GRIA3: variants seen among roughly 807,000 people sequenced by gnomAD.
GRIA3 encodes the protein glutamate ionotropic receptor AMPA type subunit 3, also known as glutamate receptor 3.
In GRIA3, 3 loss-of-function variants were observed where a neutral mutation model predicts 63.0. That is an observed-to-expected ratio of 0.05 (90% confidence interval 0.02 to 0.12). The LOEUF is 0.12. Among genes scored for constraint, GRIA3 ranks in the 10% least tolerant of loss-of-function variants. The pLI is 1.00. For synonymous variants in GRIA3, 274 were observed against 257.9 expected (o/e 1.06, Z -0.60); for missense variants, 347 against 700.9 (o/e 0.50, Z 5.70).
At chrX:123,382,321 A>C (rs1199041197) in intron 5 of GRIA3, among the ~76,000 whole-genome samples, 1 of 111,120 alleles carries the variant, frequency 9.0e-6, no homozygotes, top group Non-Finnish European at 1.9e-5. Context: ...GCTAAAAAAA[A>C]AGCAGGTTGT....
At chrX:123,381,222 C>T (rs1037800723) in intron 5 of GRIA3, among the ~76,000 whole-genome samples, 9 of 111,217 alleles carry the variant, frequency 8.1e-5, no homozygotes, top group Non-Finnish European at 1.5e-4. Context: ...AGGAGAAAAT[C>T]TAACAAGAGG....
At chrX:123,338,406 C>G (rs1188364347) in intron 4 of GRIA3, among the ~76,000 whole-genome samples, 1 of 112,110 alleles carries the variant, frequency 8.9e-6, no homozygotes, top group African/African-American at 3.2e-5. Context: ...AGCCAGTAAT[C>G]TTAAACCCCA....
intron 12 of GRIA3, among the ~76,000 whole-genome samples, chrX:123,458,389 G>C (rs944454970): frequency 1.8e-5 from 2 of 109,494 alleles, no homozygotes; most frequent in Admixed American, 9.9e-5. Context: ...AAGTAGGATT[G>C]GAGAGGAGAG....
At chrX:123,469,252 T>C (rs2045850316) in intron 13 of GRIA3, among the ~76,000 whole-genome samples, 1 of 112,001 alleles carries the variant, frequency 8.9e-6, no homozygotes, top group South Asian at 3.7e-4. Context: ...TGGGCAATTA[T>C]ATTAAGTCAT....
At chrX:123,184,755 G>A in intron 1 of GRIA3, 111 bp downstream of exon 1, 1 of 403,399 alleles carries the variant, frequency 2.5e-6, no homozygotes. Context: ...TGGGAACTGG[G>A]ACTGGGGCCG....
intron 4 of GRIA3, among the ~76,000 whole-genome samples, chrX:123,344,839 G>A (rs920536947): frequency 1.8e-5 from 2 of 111,518 alleles, no homozygotes; most frequent in East Asian, 5.7e-4. Context: ...TCCCATCATT[G>A]AGGGTCCTGC....
intron 5 of GRIA3, among the ~76,000 whole-genome samples, chrX:123,380,558 C>T (rs1470586606): frequency 9.2e-5 from 10 of 108,148 alleles, no homozygotes; most frequent in South Asian, 4.0e-4. Flanking sequence ...CTTTGTCAGA[C>T]GAGTAGATTG....
rs555887353 is a variant in GRIA3 at position 123,427,798 on chromosome X, T to A, written c.1878-143T>A. Reference sequence around the variant, plus strand: ...TTGTTAACATGTGACCTTTGTTTAATGTTTTAATTCCCTCACATCATCTAT... The same window carrying A: ...TTGTTAACATGTGACCTTTGTTTAAAGTTTTAATTCCCTCACATCATCTAT... On this transcript the variant is annotated intron_variant, in intron 11 of 15. Coordinates refer to ENST00000620443, the MANE Select transcript of GRIA3 (RefSeq NM_007325.5). The A allele has an allele frequency of 6.9e-5, 35 of 508,074 alleles. No individual in the cohort carries two copies. In the South Asian group the frequency reaches 9.3e-4, roughly 13 times the overall value. 41.9% of individuals were successfully genotyped at this position (508,074 alleles called of 1,213,427 possible). A position where few individuals can be genotyped will look rare whatever the true frequency, so the allele number is the denominator to read the frequency against.
At chrX:123,323,849 G>A (rs1182500030) in intron 3 of GRIA3, among the ~76,000 whole-genome samples, 1 of 112,130 alleles carries the variant, frequency 8.9e-6, no homozygotes, top group African/African-American at 3.2e-5. Flanking sequence ...TTGAATCCAA[G>A]CTTGATACTA....
intron 14 of GRIA3, among the ~76,000 whole-genome samples, chrX:123,481,496 T>A (rs1316900863): frequency 9.0e-6 from 1 of 111,729 alleles, no homozygotes; most frequent in Non-Finnish European, 1.9e-5. Context: ...GGCCATATTG[T>A]CTTTACTTTT....
chrX:123,468,826 G>A (rs1335137031), intron 13 of GRIA3, among the ~76,000 whole-genome samples: 3 of 112,255 alleles, frequency 2.7e-5, no homozygotes, highest in East Asian at 5.6e-4. Context: ...TCATTTCACA[G>A]AGAAAGTGCG....
At chrX:123,322,813 C>A (rs2044877194) in intron 3 of GRIA3, among the ~76,000 whole-genome samples, 1 of 112,003 alleles carries the variant, frequency 8.9e-6, no homozygotes, top group African/African-American at 3.2e-5. Context: ...CTGACTTGCT[C>A]AAAAAATGTG....
chrX:123,217,949 C>T (rs561849662), intron 2 of GRIA3, among the ~76,000 whole-genome samples: 4 of 112,420 alleles, frequency 3.6e-5, no homozygotes, highest in South Asian at 3.7e-4. Flanking sequence ...GAATTATTTC[C>T]GACAGATTGC....
At chrX:123,222,719 T>C (rs2044225581) in intron 2 of GRIA3, among the ~76,000 whole-genome samples, 1 of 111,999 alleles carries the variant, frequency 8.9e-6, no homozygotes, top group Non-Finnish European at 1.9e-5. Context: ...CCAGTGAATC[T>C]GAAATGTTGC....
At chrX:123,402,940 A>G in intron 7 of GRIA3, 54 bp from the exon 8 acceptor site, 1 of 643,567 alleles carries the variant, frequency 1.6e-6, no homozygotes, top group Non-Finnish European at 2.6e-6. Context: ...CCAGAGACTT[A>G]GAAGGCAATA....
At chrX:123,200,608 T>TACACACACACACACACACAC (rs200626306) in intron 2 of GRIA3, among the ~76,000 whole-genome samples, 6 of 76,380 alleles carry the variant, frequency 7.9e-5, no homozygotes, top group African/African-American at 2.0e-4. Flanking sequence ...CACACATACA[T>TACACACACACACACACACAC]ACACACACAC....
chrX:123,334,402 T>C (rs984824562), intron 4 of GRIA3, among the ~76,000 whole-genome samples: 1 of 111,390 alleles, frequency 9.0e-6, no homozygotes, highest in African/African-American at 3.3e-5. Flanking sequence ...CACACTAGAC[T>C]GGCTAGACTG....
intron 11 of GRIA3, among the ~76,000 whole-genome samples, chrX:123,425,815 C>T (rs1334240905): frequency 8.1e-5 from 9 of 111,157 alleles, no homozygotes; most frequent in Admixed American, 4.8e-4. Context: ...AATCCAGGGA[C>T]GAACAGGAAC....
At chrX:123,196,500 G>C (rs1021801570) in intron 2 of GRIA3, among the ~76,000 whole-genome samples, 1 of 111,372 alleles carries the variant, frequency 9.0e-6, no homozygotes, top group Non-Finnish European at 1.9e-5. Flanking sequence ...TTTGCTTCTA[G>C]GTGCTACAAC....
Sources: gnomAD v4.1 joint callset for allele counts (sites outside exome capture counted in the v4.1 genomes callset) on GRCh38, gnomAD v4.1.1 for gene constraint, MANE v1.5 for transcripts, NCBI Gene and HGNC (gene_info 2026-07-23, HGNC 2026-07-21) for gene names.